The following TXN variants were observed in gnomAD, a reference collection of about 807,000 sequenced individuals.
TXN encodes the protein thioredoxin.
In TXN, 10 loss-of-function variants were observed where a neutral mutation model predicts 16.5. The ratio of observed to expected loss-of-function variants is 0.61; its 90% confidence interval spans 0.37 to 1.03. The LOEUF is 1.03. TXN is among the 50% of genes least tolerant of loss of function. TXN has a pLI of 0.01. For missense variants in TXN, 71 were observed against 122.5 expected, an observed-to-expected ratio of 0.58 and a Z score of 1.98; for synonymous variants, 35 against 39.4, an observed-to-expected ratio of 0.89 and a Z score of 0.42.
rs758798059 is a variant in TXN at position 110,256,473 on chromosome 9, G to A, written c.-38C>T. On this transcript the variant is annotated 5_prime_UTR_variant, in exon 1 of 5. Transcript: ENST00000374517. The surrounding 1 kb of genome is among the most constrained non-coding windows in gnomAD (Gnocchi z 4.2). The stretch of plus-strand genomic sequence containing the variant: ...AGTCTGACGAGCGGCTGTAAGGACC[G>A]ATGGAAATGGATCCAAAGCACCAAA... 22 of 1,594,688 alleles carry A rather than the reference G, an allele frequency of 1.4e-5. No individual in the cohort carries two copies. Among genetic ancestry groups the A allele is most frequent in the African/African-American group, 4.0e-5 (3 of 74,182 alleles).
chr9:110,244,726 A>G (rs879042670), intron 4 of TXN, 52 bp downstream of exon 4: 1 of 1,434,316 alleles, frequency 7.0e-7, no homozygotes, highest in Admixed American at 1.7e-5. Context: ...TTATTCACTT[A>G]TACTGGGTTT....
intron 3 of TXN, among the ~76,000 whole-genome samples, chr9:110,245,618 CTATATAT>C (rs1216698643): frequency 0.022 from 689 of 30,854 alleles, 90 homozygotes; most frequent in South Asian, 0.049. Flanking sequence ...CACACACACA[CTATATAT>C]ATATATATAT....
chr9:110,254,906 G>C (rs1837786369), intron 1 of TXN, among the ~76,000 whole-genome samples: 1 of 152,150 alleles, frequency 6.6e-6, no homozygotes, highest in Admixed American at 6.5e-5. Context: ...CCTTCCCCAG[G>C]AATGGATTAA....
In TXN at chr9:110,256,325, C is replaced by T. The variant is rs1587926714; in HGVS notation, c.24+87G>A. 3 of 1,421,986 alleles carry T rather than the reference C, an allele frequency of 2.1e-6. No individual in the cohort carries two copies. In the East Asian group the frequency reaches 7.4e-5, roughly 35 times the overall value. 88.1% of individuals were successfully genotyped at this position (1,421,986 alleles called of 1,614,324 possible). On this transcript the variant is annotated intron_variant, in intron 1 of 4. Coordinates refer to ENST00000374517, the MANE Select transcript of TXN (RefSeq NM_003329.4). This position sits in a 1 kb window ranked among gnomAD's most constrained non-coding sequence, Gnocchi z 4.2. ...GGGCGGCCTCCGCACCTCCCGCCAC[C>T]GCCTTCCCCACCTCCCGCCACCGCC...
chr9:110,246,072 AAT>A (rs1156540109), intron 3 of TXN, among the ~76,000 whole-genome samples: 5 of 148,418 alleles, frequency 3.4e-5, no homozygotes, highest in African/African-American at 9.9e-5. Context: ...CGGGAGGAAA[AAT>A]AAAAAGACTT....
At chr9:110,246,691 C>T (rs746170270) in intron 3 of TXN, among the ~76,000 whole-genome samples, 6 of 152,140 alleles carry the variant, frequency 3.9e-5, no homozygotes, top group Non-Finnish European at 8.8e-5. Flanking sequence ...GGTGGCACTA[C>T]TGTTGAGGAG....
chr9:110,255,062 A>T (rs914910978), intron 1 of TXN, among the ~76,000 whole-genome samples: 2 of 152,246 alleles, frequency 1.3e-5, no homozygotes, highest in Non-Finnish European at 2.9e-5. Flanking sequence ...TGACAGTGGC[A>T]ATCAACATAT....
intron 3 of TXN, 40 bp downstream of exon 3, chr9:110,250,780 G>A (rs1180129864): frequency 6.8e-7 from 1 of 1,480,426 alleles, no homozygotes; most frequent in African/African-American, 1.4e-5. Context: ...AAAGGCCAAT[G>A]TGAAAAGCTC....
intron 1 of TXN, among the ~76,000 whole-genome samples, chr9:110,255,286 C>T (rs1325779107): frequency 6.6e-6 from 1 of 152,212 alleles, no homozygotes; most frequent in African/African-American, 2.4e-5. Context: ...CGAGCAGTAT[C>T]AATTTCCTCC....
At chr9:110,246,607 C>A (rs1837663782) in intron 3 of TXN, among the ~76,000 whole-genome samples, 1 of 152,122 alleles carries the variant, frequency 6.6e-6, no homozygotes, top group African/African-American at 2.4e-5. Context: ...ATAACCAAAT[C>A]ACGGAAACCA....
chr9:110,250,195 A>C (rs1564080274), intron 3 of TXN, among the ~76,000 whole-genome samples: 2 of 152,232 alleles, frequency 1.3e-5, no homozygotes, highest in African/African-American at 4.8e-5. Flanking sequence ...TCTCATCTAT[A>C]AAATGGGGAT....
At chr9:110,251,188 T>A (rs1293614371) in intron 2 of TXN, among the ~76,000 whole-genome samples, 170 bp downstream of exon 2, 5 of 152,168 alleles carry the variant, frequency 3.3e-5, no homozygotes, top group Non-Finnish European at 7.3e-5. Flanking sequence ...ATGGGCTACA[T>A]GTATCAAACC....
chr9:110,244,901 T>C (rs1837627317), intron 3 of TXN, 58 bp from the exon 4 acceptor site: 2 of 1,432,228 alleles, frequency 1.4e-6, no homozygotes, highest in Non-Finnish European at 2.0e-6. Flanking sequence ...GTACTGAGCT[T>C]TGACAGAAGT....
intron 1 of TXN, among the ~76,000 whole-genome samples, chr9:110,255,875 G>A (rs1202655840): frequency 6.6e-6 from 1 of 152,216 alleles, no homozygotes; most frequent in African/African-American, 2.4e-5. Flanking sequence ...CCCCCGCTGC[G>A]GGTGGATCAC....
intron 3 of TXN, among the ~76,000 whole-genome samples, chr9:110,245,655 T>TATATATATATATATATATATATA (rs1491112333): frequency 7.6e-5 from 1 of 13,174 alleles, no homozygotes; most frequent in African/African-American, 2.6e-4. Flanking sequence ...TATATATATA[T>TATATATATATATATATATATATA]TTTTTTTTTT....
chr9:110,252,623 T>TTCTA (rs1837755675), intron 1 of TXN, among the ~76,000 whole-genome samples: 1 of 152,184 alleles, frequency 6.6e-6, no homozygotes, highest in Admixed American at 6.5e-5. Flanking sequence ...GAACCGAATA[T>TTCTA]TCTAGTTACC....
At chr9:110,253,660 G>A (rs534850354) in intron 1 of TXN, among the ~76,000 whole-genome samples, 2 of 151,988 alleles carry the variant, frequency 1.3e-5, no homozygotes, top group East Asian at 1.9e-4. Context: ...TTAAGCACAA[G>A]TACCTAAAAT....
chr9:110,255,977 TG>T (rs1319330940), intron 1 of TXN, among the ~76,000 whole-genome samples: 3 of 152,116 alleles, frequency 2.0e-5, no homozygotes, highest in Non-Finnish European at 2.9e-5. Flanking sequence ...TGGATACAGA[TG>T]GGGGGCCAAG....
At chr9:110,244,744 C>A (rs540984322) in intron 4 of TXN, 34 bp downstream of exon 4, 8 of 1,565,920 alleles carry the variant, frequency 5.1e-6, no homozygotes, top group East Asian at 4.5e-5. Flanking sequence ...TTTCCTATTG[C>A]CCAGTTAGAG....
Sources: allele counts gnomAD v4.1 joint callset (sites outside exome capture counted in the v4.1 genomes callset), GRCh38; gene constraint gnomAD v4.1.1; non-coding constraint Gnocchi (gnomAD v3.1); transcripts MANE v1.5; gene names NCBI Gene and HGNC (gene_info 2026-07-23, HGNC 2026-07-21).